Variants in POLR3B observed in about 807,000 individuals in gnomAD.
The protein encoded by POLR3B is RNA polymerase III subunit B.
A neutral mutation model predicts 147.4 loss-of-function variants in POLR3B; 96 were observed. The observed-to-expected ratio is 0.65, with a 90% confidence interval of 0.55 to 0.77. The LOEUF (loss-of-function observed/expected upper bound fraction) is 0.77, where lower values mean the gene tolerates loss of function less well. POLR3B is among the 30% of genes least tolerant of loss of function. The pLI is 0.00. For missense variants in POLR3B, 1,036 were observed against 1,413.5 expected (o/e 0.73, Z 4.28); for synonymous variants, 461 against 485.9 (o/e 0.95, Z 0.67).
Position 106,376,355 on chromosome 12 carries a change from A to G in POLR3B, c.405-4A>G, listed in dbSNP as rs765020214. 5 of 1,602,330 alleles carry G rather than the reference A, an allele frequency of 3.1e-6. No homozygotes were observed. Among genetic ancestry groups the G allele is most frequent in the Middle Eastern group, 1.7e-4 (1 of 6,044 alleles). On this transcript the variant is annotated splice_region_variant and splice_polypyrimidine_tract_variant and intron_variant, in intron 6 of 27. Coordinates refer to ENST00000228347, the MANE Select transcript of POLR3B (RefSeq NM_018082.6). ...GATATTTTCTTTTGTTTTATTTTAT[A>G]CAGAATGCCCATAATGCTACGTAGT...
At chr12:106,467,734 T>A (rs1293770295) in intron 23 of POLR3B, among the ~76,000 whole-genome samples, 3 of 152,214 alleles carry the variant, frequency 2.0e-5, no homozygotes, top group Non-Finnish European at 4.4e-5. Flanking sequence ...TCATTGGATC[T>A]GTTTATGTGA....
At chr12:106,363,783 C>T in intron 1 of POLR3B, 87 bp from the exon 2 acceptor site, 5 of 1,061,544 alleles carry the variant, frequency 4.7e-6, no homozygotes, top group South Asian at 2.7e-5. Flanking sequence ...ATTTACTTTC[C>T]TTTGCTTATT....
intron 14 of POLR3B, 80 bp downstream of exon 14, chr12:106,430,553 T>C (rs1188877106): frequency 2.8e-6 from 3 of 1,070,368 alleles, no homozygotes; most frequent in East Asian, 2.4e-5. Flanking sequence ...GGAGGTCTGC[T>C]TCTGTTCCCA....
chr12:106,383,372 T>TAGCTTTTGGCCTGTCTC (rs2036791439), intron 9 of POLR3B, among the ~76,000 whole-genome samples: 1 of 152,232 alleles, frequency 6.6e-6, no homozygotes, highest in Admixed American at 6.5e-5. Flanking sequence ...GCAGGAGGCC[T>TAGCTTTTGGCCTGTCTC]AGCTTTTGGC....
intron 23 of POLR3B, among the ~76,000 whole-genome samples, chr12:106,472,734 T>G (rs943281787): frequency 1.1e-5 from 1 of 90,634 alleles, no homozygotes; most frequent in African/African-American, 7.1e-5. Flanking sequence ...TGTAAATTTG[T>G]TTGAGTTCAT....
Position 106,463,738 on chromosome 12 carries a change from A to G in POLR3B, c.2713+118A>G, listed in dbSNP as rs3782705. 3.9e-4 allele frequency: 317 copies of G among 812,546 alleles called. 1 individual carries two copies. The East Asian group carries it at 7.4e-3, about 19-fold the overall frequency. The allele number at this position is 812,546 out of a possible 1,614,324, so 50.3% of individuals were successfully genotyped here. On this transcript the variant is annotated intron_variant, in intron 23 of 27. Coordinates refer to ENST00000228347, the MANE Select transcript of POLR3B (RefSeq NM_018082.6). ...CTTTGGAAAAGTATTACATTGTTAT[A>G]AAAATTAATCTTGTTTTATTTCTTA...
Position 106,430,304 on chromosome 12 carries a change from A to T in POLR3B, c.1295A>T (p.Asp432Val). Residue 432 changes from aspartate to valine, a missense_variant, in exon 14 of 28, where the codon GAC becomes GTC. Physicochemically the swap from Asp to Val is radical, Grantham distance 152. This residue lies in a region of POLR3B where 89 missense variants were observed against 110.9 expected (regional missense o/e 0.80). Transcript: ENST00000228347. ...GNWSLKRFKM[D>V]RQGVTQVLSR... is the part of the protein sequence containing the mutation. ...TGGTCTTTAAAGAGATTTAAAATGG[A>T]CCGCCAGGGTGTAACCCAAGTGCTG... 6.2e-7 allele frequency: 1 copy of T among 1,614,030 alleles called. No individual in the cohort carries two copies. Among genetic ancestry groups the T allele is most frequent in the South Asian group, 1.1e-5 (1 of 91,078 alleles).
intron 9 of POLR3B, among the ~76,000 whole-genome samples, chr12:106,385,300 G>T (rs973663898): frequency 6.6e-6 from 1 of 152,048 alleles, no homozygotes. Context: ...TAACTACCTT[G>T]GATAATGATA....
intron 23 of POLR3B, among the ~76,000 whole-genome samples, chr12:106,480,861 C>T (rs765985285): frequency 1.4e-5 from 2 of 144,378 alleles, no homozygotes; most frequent in Non-Finnish European, 3.0e-5. Context: ...AATGATATGT[C>T]GTGAGATGAG....
At position 106,357,767 on chromosome 12, in the gene POLR3B, G is replaced by A; in HGVS notation, c.-113G>A. 9.5e-7 allele frequency: 1 copy of A among 1,052,262 alleles called. No individual in the cohort carries two copies. The highest frequency in any genetic ancestry group is 1.4e-6 in the Non-Finnish European group (1 of 695,614). 65.2% of individuals were successfully genotyped at this position (1,052,262 alleles called of 1,614,324 possible). The stretch of plus-strand genomic sequence containing the variant: ...TACCGCGTCTCTAGCTAACACGCAC[G>A]GCGGGGACAGTTTAGGCCTCCGCGC... On this transcript the variant is annotated 5_prime_UTR_variant, in exon 1 of 28. Transcript: ENST00000228347.
At chr12:106,496,332 C>T (rs778776755) in intron 24 of POLR3B, 174 bp downstream of exon 24, 67 of 695,976 alleles carry the variant, frequency 9.6e-5, no homozygotes, top group Non-Finnish European at 1.7e-4. Context: ...GGGCCACTCC[C>T]CTCTACATAA....
chr12:106,477,720 G>T (rs1281635674), intron 23 of POLR3B, among the ~76,000 whole-genome samples: 1 of 151,984 alleles, frequency 6.6e-6, no homozygotes, highest in African/African-American at 2.4e-5. Flanking sequence ...CCCTGCTTCG[G>T]CTCGCGCAGG....
intron 27 of POLR3B, among the ~76,000 whole-genome samples, chr12:106,506,637 C>G (rs1318269018): frequency 6.6e-6 from 1 of 152,144 alleles, no homozygotes; most frequent in Non-Finnish European, 1.5e-5. Context: ...CGTATGTATT[C>G]CGTGTGTATT....
intron 10 of POLR3B, among the ~76,000 whole-genome samples, chr12:106,401,750 C>G (rs2037070374): frequency 6.6e-6 from 1 of 152,120 alleles, no homozygotes; most frequent in African/African-American, 2.4e-5. Flanking sequence ...AGGCCTTTGA[C>G]AAAATTCAAC....
chr12:106,371,942 T>TAATAA (rs759325698), intron 6 of POLR3B, among the ~76,000 whole-genome samples: 166 of 151,962 alleles, frequency 1.1e-3, no homozygotes, highest in African/African-American at 3.7e-3. Flanking sequence ...AGTATAATAA[T>TAATAA]AATAAAATAA....
chr12:106,404,101 T>G (rs2037115263), intron 10 of POLR3B, among the ~76,000 whole-genome samples: 1 of 151,198 alleles, frequency 6.6e-6, no homozygotes, highest in Admixed American at 6.6e-5. Context: ...TTGTTTTTTT[T>G]TTTTTTTGAG....
intron 12 of POLR3B, among the ~76,000 whole-genome samples, chr12:106,421,394 G>A (rs372306867): frequency 5.3e-5 from 8 of 152,088 alleles, no homozygotes; most frequent in Non-Finnish European, 8.8e-5. Context: ...TCTACATTAC[G>A]TTGTATATGA....
At chr12:106,420,459 T>G (rs1398801082) in intron 12 of POLR3B, among the ~76,000 whole-genome samples, 1 of 152,198 alleles carries the variant, frequency 6.6e-6, no homozygotes, top group African/African-American at 2.4e-5. Context: ...TGGACCCTTT[T>G]TATTAACGTG....
intron 23 of POLR3B, among the ~76,000 whole-genome samples, chr12:106,473,998 G>A (rs1323088196): frequency 7.0e-6 from 1 of 142,628 alleles, no homozygotes; most frequent in Non-Finnish European, 1.6e-5. Context: ...ATTGGCTGTG[G>A]GTTTGTCATA....
Sources: gnomAD v4.1 joint callset for allele counts (sites outside exome capture counted in the v4.1 genomes callset) on GRCh38, gnomAD v4.1.1 for gene constraint, gnomAD v4.1.1 regional missense constraint, MANE v1.5 for transcripts, NCBI Gene and HGNC (gene_info 2026-07-23, HGNC 2026-07-21) for gene names.